RARB: variants seen among roughly 807,000 people sequenced by gnomAD.
The protein encoded by RARB is HBV-activated protein.
RARB carries 17 observed loss-of-function variants against 51.9 expected under a neutral mutation model. The observed-to-expected ratio is 0.33, with a 90% CI of 0.22 to 0.49. RARB has a LOEUF of 0.49. Ranked by LOEUF, RARB falls within the 20% of genes least tolerant of loss-of-function variation. The pLI is 0.99. For synonymous variants in RARB, 215 were observed against 195.4 expected (o/e 1.10, Z -0.84); for missense variants, 369 against 550.8 (o/e 0.67, Z 3.30).
chr3:25,460,568 C>A (rs1284458782), intron 1 of RARB, among the ~76,000 whole-genome samples: 1 of 151,944 alleles, frequency 6.6e-6, no homozygotes, highest in Admixed American at 6.6e-5. Flanking sequence ...CTGCCTCAGC[C>A]TCCTGAGTAG....
intron 5 of RARB, among the ~76,000 whole-genome samples, chr3:25,178,914 A>G (rs1700808939): frequency 6.6e-6 from 1 of 152,058 alleles, no homozygotes; most frequent in Non-Finnish European, 1.5e-5. Flanking sequence ...GTTCTGTTTT[A>G]TTGCTGCACA....
At chr3:25,370,591 T>C (rs1051705069) in intron 5 of RARB, among the ~76,000 whole-genome samples, 5 of 152,166 alleles carry the variant, frequency 3.3e-5, no homozygotes, top group African/African-American at 1.2e-4. Context: ...GACTCCAGCA[T>C]GGCTTAGGTA....
chr3:25,413,150 G>A (rs180707932), intron 5 of RARB, among the ~76,000 whole-genome samples: 9 of 152,230 alleles, frequency 5.9e-5, no homozygotes, highest in Admixed American at 2.6e-4. Context: ...AGATTAAAAG[G>A]TAACCAGTAT....
intron 2 of RARB, among the ~76,000 whole-genome samples, 186 bp from the exon 3 acceptor site, chr3:25,500,996 G>T (rs1178113670): frequency 1.3e-5 from 2 of 151,932 alleles, no homozygotes; most frequent in African/African-American, 4.8e-5. Context: ...GGGGCTTTTG[G>T]GTTTGCAACA....
chr3:24,986,567 G>A (rs144781108), intron 2 of RARB, among the ~76,000 whole-genome samples: 1 of 152,264 alleles, frequency 6.6e-6, no homozygotes, highest in East Asian at 1.9e-4. Flanking sequence ...TTAATGTTGT[G>A]TCGCTGAAAT....
At chr3:24,888,764 A>T (rs1703314922) in intron 2 of RARB, among the ~76,000 whole-genome samples, 1 of 152,124 alleles carries the variant, frequency 6.6e-6, no homozygotes, top group Non-Finnish European at 1.5e-5. Context: ...ACAGGAAAGG[A>T]TTGTGGAAAG....
chr3:24,935,643 G>T (rs58790290), intron 2 of RARB, among the ~76,000 whole-genome samples: 19 of 152,134 alleles, frequency 1.2e-4, no homozygotes, highest in Non-Finnish European at 2.2e-4. Flanking sequence ...GACGTAGAAG[G>T]CACTGCCATA....
At chr3:25,329,120 C>T (rs531957657) in intron 5 of RARB, among the ~76,000 whole-genome samples, 3 of 152,206 alleles carry the variant, frequency 2.0e-5, no homozygotes, top group African/African-American at 7.2e-5. Flanking sequence ...GAACAAAAGG[C>T]AGCAGAAACT....
chr3:24,877,699 G>C (rs115655805), intron 2 of RARB, among the ~76,000 whole-genome samples: 2 of 152,170 alleles, frequency 1.3e-5, no homozygotes, highest in African/African-American at 4.8e-5. Flanking sequence ...TGAGTGGCAG[G>C]CTGGCATACC....
chr3:25,325,064 C>G (rs1704674495), intron 5 of RARB, among the ~76,000 whole-genome samples: 2 of 152,188 alleles, frequency 1.3e-5, no homozygotes, highest in Admixed American at 1.3e-4. Context: ...GGCTGCTAGA[C>G]TAAGGATACT....
chr3:24,976,208 TG>T (rs1696508877), intron 2 of RARB, among the ~76,000 whole-genome samples: 2 of 152,220 alleles, frequency 1.3e-5, no homozygotes, highest in African/African-American at 4.8e-5. Context: ...TTTGCTATTG[TG>T]AATAGTGCTG....
At chr3:25,433,972 A>G (rs531654168) in intron 1 of RARB, among the ~76,000 whole-genome samples, 3 of 152,346 alleles carry the variant, frequency 2.0e-5, no homozygotes, top group South Asian at 2.1e-4. Flanking sequence ...CAAACAGGCA[A>G]TGGAACTGCT....
chr3:25,288,954 C>A (rs1382220726), intron 5 of RARB, among the ~76,000 whole-genome samples: 1 of 152,144 alleles, frequency 6.6e-6, no homozygotes, highest in Admixed American at 6.5e-5. Flanking sequence ...CATACTTCAC[C>A]TATATTTGGA....
intron 2 of RARB, among the ~76,000 whole-genome samples, chr3:24,873,822 G>A: frequency 6.6e-6 from 1 of 151,984 alleles, no homozygotes; most frequent in East Asian, 1.9e-4. Context: ...AATCGGGTAA[G>A]GGGTCTTTTT....
At position 25,023,493 on chromosome 3, in the gene RARB, C is replaced by T. The variant is rs182744921; in HGVS notation, c.-379-36632C>T. On this transcript the variant is annotated intron_variant, in intron 2 of 11. Transcript: ENST00000383772. ...GTTTATGAGCACTCACAGGATACAC[C>T]GACGCAGCTGAGTTTGCTTCAACAT... Among the ~76,000 whole-genome samples, 243 of 50,160 alleles carry T rather than the reference C, an allele frequency of 4.8e-3. 1 individual carries two copies. Among genetic ancestry groups the T allele is most frequent in the African/African-American group, 0.016 (234 of 14,500 alleles). 32.9% of individuals were successfully genotyped at this position (50,160 alleles called of 152,430 possible). A position where few individuals can be genotyped will look rare whatever the true frequency, so the allele number is the denominator to read the frequency against.
chr3:24,973,054 A>G (rs1385055516), intron 2 of RARB, among the ~76,000 whole-genome samples: 2 of 152,004 alleles, frequency 1.3e-5, no homozygotes, highest in African/African-American at 2.4e-5. Flanking sequence ...CTTTGCCCAG[A>G]CCAACGTCCT....
intron 3 of RARB, among the ~76,000 whole-genome samples, chr3:25,107,901 C>A (rs1442471085): frequency 3.3e-5 from 5 of 152,068 alleles, no homozygotes; most frequent in Non-Finnish European, 5.9e-5. Context: ...AAGTAGAGAA[C>A]TTTCTTTTCA....
At chr3:25,015,466 G>C (rs994059281) in intron 2 of RARB, among the ~76,000 whole-genome samples, 2 of 152,146 alleles carry the variant, frequency 1.3e-5, no homozygotes, top group Admixed American at 1.3e-4. Flanking sequence ...GAGTGGAAGA[G>C]CTGGTTGACA....
At chr3:25,010,931 T>A (rs1487005067) in intron 2 of RARB, among the ~76,000 whole-genome samples, 7 of 152,194 alleles carry the variant, frequency 4.6e-5, no homozygotes, top group African/African-American at 1.7e-4. Flanking sequence ...TGTCTCAATG[T>A]GACCATCGAG....
Sources: allele counts gnomAD v4.1 joint callset (sites outside exome capture counted in the v4.1 genomes callset), GRCh38; gene constraint gnomAD v4.1.1; transcripts MANE v1.5; gene names NCBI Gene and HGNC (gene_info 2026-07-23, HGNC 2026-07-21).